The following NPAS3 variants were observed in gnomAD, a reference collection of about 807,000 sequenced individuals.
NPAS3 encodes neuronal PAS domain-containing protein 3.
Under a neutral mutation model 73.1 loss-of-function variants are expected in NPAS3, and 14 were observed. The ratio of observed to expected loss-of-function variants is 0.19; its 90% CI spans 0.13 to 0.30. The LOEUF is 0.30. NPAS3 is among the 10% of genes least tolerant of loss of function. NPAS3 has a pLI of 1.00. For missense variants in NPAS3, 1,096 were observed against 1,250.0 expected (o/e 0.88, Z 1.86); for synonymous variants, 620 against 541.5 (o/e 1.14, Z -2.01).
chr14:33,512,473 C>T (rs1205054762), intron 4 of NPAS3, among the ~76,000 whole-genome samples: 3 of 152,078 alleles, frequency 2.0e-5, no homozygotes, highest in South Asian at 2.1e-4. Context: ...CCAGATTTGT[C>T]AGATCAAAAT....
intron 6 of NPAS3, chr14:33,680,750 A>G (rs953243755): frequency 1.5e-6 from 1 of 666,084 alleles, no homozygotes; most frequent in Non-Finnish European, 2.7e-6. Flanking sequence ...AGAGGGGAAA[A>G]TCAATACTGT....
chr14:32,967,928 AT>A (rs11366214), intron 1 of NPAS3, among the ~76,000 whole-genome samples: 120,098 of 151,538 alleles, frequency 0.79, 47,670 homozygotes, highest in East Asian at 0.98. Flanking sequence ...TGTGTGTGTC[AT>A]TTGTGACAAC....
At chr14:33,219,080 C>T (rs373421021) in intron 3 of NPAS3, among the ~76,000 whole-genome samples, 9 of 152,214 alleles carry the variant, frequency 5.9e-5, no homozygotes, top group African/African-American at 1.2e-4. Flanking sequence ...GAACATTATG[C>T]GTTATTCAAG....
intron 5 of NPAS3, among the ~76,000 whole-genome samples, chr14:33,664,611 T>C (rs113493326): frequency 0.018 from 2,768 of 152,298 alleles, 80 homozygotes; most frequent in African/African-American, 0.063. Context: ...TTTTGCAATC[T>C]GTCCATCTGA....
intron 1 of NPAS3, among the ~76,000 whole-genome samples, chr14:32,947,225 C>T (rs943209409): frequency 7.2e-5 from 11 of 152,122 alleles, no homozygotes; most frequent in African/African-American, 2.4e-4. Flanking sequence ...TTCCCCAAAT[C>T]TCTGATTTTT....
At chr14:33,374,492 TA>T (rs1555383792) in intron 4 of NPAS3, among the ~76,000 whole-genome samples, 2 of 151,406 alleles carry the variant, frequency 1.3e-5, no homozygotes, top group Admixed American at 6.6e-5. Flanking sequence ...AAGTTTTTTT[TA>T]AAAAAAAATC....
chr14:33,589,870 T>C (rs2056999453), intron 5 of NPAS3, among the ~76,000 whole-genome samples: 1 of 152,200 alleles, frequency 6.6e-6, no homozygotes, highest in African/African-American at 2.4e-5. Flanking sequence ...TGAAATGTTT[T>C]GTTGAGATGC....
upstream of NPAS3, among the ~76,000 whole-genome samples, chr14:32,939,030 G>A (rs909287141): frequency 6.9e-5 from 10 of 145,686 alleles, no homozygotes; most frequent in Non-Finnish European, 1.1e-4. Flanking sequence ...ACGGCTGGGA[G>A]CACCGGCGGC....
At chr14:33,164,276 A>G (rs1033957538) in intron 2 of NPAS3, among the ~76,000 whole-genome samples, 4 of 152,210 alleles carry the variant, frequency 2.6e-5, no homozygotes, top group African/African-American at 9.6e-5. Context: ...ATTATTTTAT[A>G]TTTACAAAGA....
intron 4 of NPAS3, among the ~76,000 whole-genome samples, chr14:33,434,263 A>C (rs2048893764): frequency 6.6e-6 from 1 of 152,176 alleles, no homozygotes; most frequent in African/African-American, 2.4e-5. Flanking sequence ...GTGGTGGCTC[A>C]CACCTGTAAT....
chr14:33,784,745 A>ATTTATTTTTTTT (rs1471526546), intron 9 of NPAS3, among the ~76,000 whole-genome samples: 44 of 73,834 alleles, frequency 6.0e-4, no homozygotes, highest in African/African-American at 2.1e-3. Context: ...TTATTTATTT[A>ATTTATTTTTTTT]TTTTTTTTTT....
intron 2 of NPAS3, among the ~76,000 whole-genome samples, chr14:33,088,070 G>A (rs1185078151): frequency 5.9e-5 from 9 of 152,154 alleles, no homozygotes; most frequent in African/African-American, 1.7e-4. Flanking sequence ...TTCCAAGATC[G>A]CGGAATAGGA....
intron 5 of NPAS3, among the ~76,000 whole-genome samples, chr14:33,672,274 A>ATTATAATACATTT (rs2059630707): frequency 6.6e-6 from 1 of 152,262 alleles, no homozygotes; most frequent in Non-Finnish European, 1.5e-5. Flanking sequence ...ATGATGCTAT[A>ATTATAATACATTT]TTATAATACA....
At chr14:33,066,743 C>T (rs2041294560) in intron 2 of NPAS3, among the ~76,000 whole-genome samples, 1 of 152,128 alleles carries the variant, frequency 6.6e-6, no homozygotes, top group Admixed American at 6.5e-5. Flanking sequence ...TCTTTGATGC[C>T]AGGGCCTTTT....
At chr14:33,717,760 G>A (rs902587949) in intron 6 of NPAS3, among the ~76,000 whole-genome samples, 3 of 151,958 alleles carry the variant, frequency 2.0e-5, no homozygotes, top group Non-Finnish European at 2.9e-5. Flanking sequence ...TAAAGTACAT[G>A]GTCATAGACA....
At chr14:33,045,527 CCTG>C (rs1445494114) in intron 1 of NPAS3, among the ~76,000 whole-genome samples, 2 of 152,104 alleles carry the variant, frequency 1.3e-5, no homozygotes, top group Non-Finnish European at 1.5e-5. Flanking sequence ...AACGAGTATT[CCTG>C]CTAATGGTAG....
intron 6 of NPAS3, among the ~76,000 whole-genome samples, chr14:33,725,128 C>T (rs2061228997): frequency 6.6e-6 from 1 of 152,074 alleles, no homozygotes; most frequent in South Asian, 2.1e-4. Flanking sequence ...ATTCCCCTAA[C>T]AATGTCTAAT....
At chr14:33,035,110 A>G (rs986350328) in intron 1 of NPAS3, among the ~76,000 whole-genome samples, 5 of 152,186 alleles carry the variant, frequency 3.3e-5, no homozygotes, top group African/African-American at 7.2e-5. Context: ...GCATCATTTA[A>G]AAAGTTAGTC....
intron 5 of NPAS3, among the ~76,000 whole-genome samples, chr14:33,576,804 C>T (rs1307368972): frequency 4.6e-5 from 7 of 152,078 alleles, no homozygotes; most frequent in Non-Finnish European, 8.8e-5. Flanking sequence ...TACCCAGTCC[C>T]GAGTATCTTT....
Sources: allele counts gnomAD v4.1 joint callset (sites outside exome capture counted in the v4.1 genomes callset), GRCh38; gene constraint gnomAD v4.1.1; transcripts MANE v1.5; gene names NCBI Gene and HGNC (gene_info 2026-07-23, HGNC 2026-07-21).